The following ADAT2 variants were observed in gnomAD, a reference collection of about 807,000 sequenced individuals.
The protein encoded by ADAT2 is adenosine deaminase tRNA specific 2.
ADAT2 carries 26 observed loss-of-function variants against 25.9 expected under a neutral mutation model. That is an observed-to-expected ratio of 1.00 (90% confidence interval 0.74 to 1.39). ADAT2 has a LOEUF of 1.39. ADAT2 is among the 40% of genes most tolerant of loss of function. The pLI, the probability that ADAT2 is intolerant of heterozygous loss-of-function variation, is 0.00. For synonymous variants in ADAT2, 76 were observed against 86.8 expected, an observed-to-expected ratio of 0.88 and a Z score of 0.69; for missense variants, 220 against 244.8, an observed-to-expected ratio of 0.90 and a Z score of 0.68.
In ADAT2 at chr6:143,423,163, C is replaced by T. The variant is rs1778832645; in HGVS notation, c.*5300G>A. 6.6e-6 allele frequency: 1 copy of T among 152,218 alleles called. No individual in the cohort carries two copies. The allele number at this position is 152,218 out of a possible 1,614,324, so 9.4% of individuals were successfully genotyped here. On this transcript the variant is annotated 3_prime_UTR_variant, in exon 6 of 6. Transcript: ENST00000237283. The stretch of plus-strand genomic sequence containing the variant: ...TAACATTTTCTCGAAGGGCCAGACG[C>T]TAAATATTTTAGGCCTTTGTGAGTC...
At chr6:143,431,800 C>T (rs1418287065) in intron 4 of ADAT2, among the ~76,000 whole-genome samples, 4 of 152,124 alleles carry the variant, frequency 2.6e-5, no homozygotes, top group Non-Finnish European at 2.9e-5. Flanking sequence ...TTACATTAAC[C>T]TTACATCTTG....
rs2128736549 is a variant in ADAT2 at position 143,424,943 on chromosome 6, A to T, written c.*3520T>A. On this transcript the variant is annotated 3_prime_UTR_variant, in exon 6 of 6. Coordinates refer to ENST00000237283, the MANE Select transcript of ADAT2 (RefSeq NM_182503.3). The surrounding 1 kb of genome is among the most constrained non-coding windows in gnomAD (Gnocchi z 4.8). The stretch of plus-strand genomic sequence containing the variant: ...AGAGAAAAAAGGTAACTATATAGTG[A>T]AGGAATAGGACAACACCTTGACCAG... The T allele has an allele frequency of 6.6e-6, 1 of 152,340 alleles. No individual in the cohort carries two copies. The highest frequency in any genetic ancestry group is 2.1e-4 in the South Asian group (1 of 4,830). The allele number at this position is 152,340 out of a possible 1,614,324, so 9.4% of individuals were successfully genotyped here. A position where few individuals can be genotyped will look rare whatever the true frequency, so the allele number is the denominator to read the frequency against.
In ADAT2 at chr6:143,434,012, T is replaced by C. The variant is rs762687970; in HGVS notation, c.202-31A>G. On this transcript the variant is annotated intron_variant, in intron 2 of 5. Transcript: ENST00000237283. This position sits in a 1 kb window ranked among gnomAD's most constrained non-coding sequence, Gnocchi z 4.5. ...AAGAGAAAGGGGCTTGCACTGATGC[T>C]GTTTGCTTCATGTGACTACTATTTT... The C allele has an allele frequency of 2.5e-6, 4 of 1,610,672 alleles. No individual in the cohort carries two copies. In the Admixed American group the frequency reaches 5.0e-5, roughly 20 times the overall value.
chr6:143,448,136 C>T (rs1260720952), intron 1 of ADAT2, among the ~76,000 whole-genome samples: 1 of 151,946 alleles, frequency 6.6e-6, no homozygotes, highest in Non-Finnish European at 1.5e-5. Context: ...TCATTCTGAG[C>T]AAACTATCAC....
intron 4 of ADAT2, among the ~76,000 whole-genome samples, chr6:143,429,877 C>T (rs1311628825): frequency 1.3e-5 from 2 of 152,192 alleles, no homozygotes; most frequent in African/African-American, 4.8e-5. Flanking sequence ...CCTGCATAAA[C>T]CTTCGCCATA....
chr6:143,435,744 T>C (rs990545489), intron 2 of ADAT2, among the ~76,000 whole-genome samples: 4 of 152,242 alleles, frequency 2.6e-5, no homozygotes, highest in Non-Finnish European at 5.9e-5. Context: ...TCAACATGAA[T>C]GTAATTAAAA....
chr6:143,429,359 T>TA (rs1408294941), intron 4 of ADAT2, among the ~76,000 whole-genome samples: 7 of 152,170 alleles, frequency 4.6e-5, no homozygotes, highest in Non-Finnish European at 1.0e-4. Context: ...CAGAGGATTT[T>TA]AAAAAATAAA....
At chr6:143,447,767 A>G (rs1422522096) in intron 1 of ADAT2, among the ~76,000 whole-genome samples, 1 of 152,114 alleles carries the variant, frequency 6.6e-6, no homozygotes, top group Non-Finnish European at 1.5e-5. Context: ...GTCCTAATAA[A>G]AGGGTGTTCT....
rs1779425041 is a variant in ADAT2, at chr6:143,440,442, T to C, written c.97-1748A>G. ...CGGACACTTATTCTTCATTTGGCCA[T>C]TAGAGGAAAAAGGAGACGCCCACAG... is the stretch of plus-strand genomic sequence containing the variant. On this transcript the variant is annotated intron_variant, in intron 1 of 5. Transcript: ENST00000237283. This position sits in a 1 kb window ranked among gnomAD's most constrained non-coding sequence, Gnocchi z 4.5. Among the ~76,000 whole-genome samples, 1 of 152,154 alleles carries C rather than the reference T, an allele frequency of 6.6e-6. No individual in the cohort carries two copies. Among genetic ancestry groups the C allele is most frequent in the South Asian group, 2.1e-4 (1 of 4,828 alleles).
In ADAT2 at chr6:143,446,056, TA is replaced by T. The variant is rs541233024; in HGVS notation, c.96+4506del. Among the ~76,000 whole-genome samples the T allele has an allele frequency of 2.2e-3, 305 of 136,732 alleles. No individual in the cohort carries two copies. The highest frequency in any genetic ancestry group is 6.8e-3 in the African/African-American group (252 of 37,316). 89.7% of individuals were successfully genotyped at this position (136,732 alleles called of 152,430 possible). ...TGTTCAAGGTGGAGAACTTAGCGAT[TA>T]AAAAAAAAAAACCTCATGTATCAAA... On this transcript the variant is annotated intron_variant, in intron 1 of 5. Transcript: ENST00000237283. The surrounding 1 kb of genome is among the most constrained non-coding windows in gnomAD (Gnocchi z 5.0).
In ADAT2 at chr6:143,428,559, A is replaced by T; in HGVS notation, c.532+53T>A. On this transcript the variant is annotated intron_variant, in intron 5 of 5. Coordinates refer to ENST00000237283, the MANE Select transcript of ADAT2 (RefSeq NM_182503.3). The surrounding 1 kb of genome is among the most constrained non-coding windows in gnomAD (Gnocchi z 5.0). ...AAATGAAGAGGTAAGCTCATAGCAG[A>T]TTCTCTTTGTATGGATTTAAGGGAA... The T allele has an allele frequency of 6.2e-7, 1 of 1,612,384 alleles. No individual in the cohort carries two copies.
chr6:143,439,613 C>T (rs1046405282), intron 1 of ADAT2, among the ~76,000 whole-genome samples: 1 of 152,126 alleles, frequency 6.6e-6, no homozygotes, highest in Non-Finnish European at 1.5e-5. Flanking sequence ...TCCTTTTGCA[C>T]AAAGTACCAG....
intron 4 of ADAT2, among the ~76,000 whole-genome samples, chr6:143,431,898 T>C (rs1779125985): frequency 6.6e-6 from 1 of 152,210 alleles, no homozygotes; most frequent in Non-Finnish European, 1.5e-5. Flanking sequence ...GTTCATAGTC[T>C]GACCCATAAA....
Position 143,437,144 on chromosome 6 carries a change from T to C in ADAT2, c.201+1446A>G, listed in dbSNP as rs1779313849. Among the ~76,000 whole-genome samples, 1 of 152,200 alleles carries C rather than the reference T, an allele frequency of 6.6e-6. No individual in the cohort carries two copies. The highest frequency in any genetic ancestry group is 6.5e-5 in the Admixed American group (1 of 15,288). On this transcript the variant is annotated intron_variant, in intron 2 of 5. Transcript: ENST00000237283. This position sits in a 1 kb window ranked among gnomAD's most constrained non-coding sequence, Gnocchi z 4.1. ...GAACATGGTTATATATAAATCTGAA[T>C]TGTCCAACTACTTTGTCGGAACAGT...
Position 143,444,851 on chromosome 6 carries a change from AT to A in ADAT2, c.96+5711del. ...GATGGAAGAGACTTCGTAGTTTATTATTTTCTCCAAAGACATTACTACTATA... is the reference window on the plus strand; with the variant it reads ...GATGGAAGAGACTTCGTAGTTTATTATTTCTCCAAAGACATTACTACTATA... On this transcript the variant is annotated intron_variant, in intron 1 of 5. Coordinates refer to ENST00000237283, the MANE Select transcript of ADAT2 (RefSeq NM_182503.3). The surrounding 1 kb of genome is among the most constrained non-coding windows in gnomAD (Gnocchi z 4.3). The A allele has an allele frequency of 9.3e-7, 1 of 1,079,558 alleles. No individual in the cohort carries two copies. The highest frequency in any genetic ancestry group is 1.2e-6 in the Non-Finnish European group (1 of 816,328). The allele number at this position is 1,079,558 out of a possible 1,614,324, so 66.9% of individuals were successfully genotyped here.
rs553467657 is a variant in ADAT2 at position 143,433,449 on chromosome 6, GA to G, written c.352+381del. ...CAAACAAACCAACCAGATAAACAGAGAAAAAAAAATTTAAACCACTCATAAT... is the reference window on the plus strand; with the variant it reads ...CAAACAAACCAACCAGATAAACAGAGAAAAAAAATTTAAACCACTCATAAT... On this transcript the variant is annotated intron_variant, in intron 3 of 5. Coordinates refer to ENST00000237283, the MANE Select transcript of ADAT2 (RefSeq NM_182503.3). Among the ~76,000 whole-genome samples, 78 of 151,386 alleles carry G rather than the reference GA, an allele frequency of 5.2e-4. 1 individual carries two copies. The highest frequency in any genetic ancestry group is 1.7e-3 in the African/African-American group (70 of 41,328).
chr6:143,449,207 C>T (rs1779683681), intron 1 of ADAT2, among the ~76,000 whole-genome samples: 2 of 152,094 alleles, frequency 1.3e-5, no homozygotes, highest in South Asian at 4.1e-4. Flanking sequence ...GCCACCATGC[C>T]CTACTAATTT....
chr6:143,442,476 T>TACACACCAC lies in ADAT2; in HGVS notation c.97-3783_97-3782insGTGGTGTGT, dbSNP rs1554279358. On this transcript the variant is annotated intron_variant, in intron 1 of 5. Coordinates refer to ENST00000237283, the MANE Select transcript of ADAT2 (RefSeq NM_182503.3). This position sits in a 1 kb window ranked among gnomAD's most constrained non-coding sequence, Gnocchi z 4.6. The stretch of plus-strand genomic sequence containing the variant: ...CATGACAAAATTGCATAGGCACGCA[T>TACACACCAC]ACACACACACACACACACACACACA... Among the ~76,000 whole-genome samples, 15 of 142,144 alleles carry TACACACCAC rather than the reference T, an allele frequency of 1.1e-4. No individual in the cohort carries two copies. Among genetic ancestry groups the TACACACCAC allele is most frequent in the Non-Finnish European group, 2.3e-4 (15 of 65,370 alleles). 93.3% of individuals were successfully genotyped at this position (142,144 alleles called of 152,430 possible).
chr6:143,429,502 T>C (rs962158851), intron 4 of ADAT2, among the ~76,000 whole-genome samples: 6 of 152,180 alleles, frequency 3.9e-5, no homozygotes, highest in African/African-American at 1.4e-4. Flanking sequence ...AACTTGAACT[T>C]GCCTTAGAGA....
Sources: allele counts gnomAD v4.1 joint callset (sites outside exome capture counted in the v4.1 genomes callset), GRCh38; gene constraint gnomAD v4.1.1; non-coding constraint Gnocchi (gnomAD v3.1); transcripts MANE v1.5; gene names NCBI Gene and HGNC (gene_info 2026-07-23, HGNC 2026-07-21).